SLFN12L: variants seen among roughly 807,000 people sequenced by gnomAD.
The protein encoded by SLFN12L is schlafen family member 12-like.
Under a neutral mutation model 34.8 loss-of-function variants are expected in SLFN12L, and 34 were observed. The observed-to-expected ratio is 0.98, with a 90% CI of 0.74 to 1.30. SLFN12L has a LOEUF of 1.30. Ranked by LOEUF, SLFN12L falls within the 50% of genes most tolerant of loss-of-function variation. The pLI, the probability that SLFN12L is intolerant of heterozygous loss-of-function variation, is 0.00. For synonymous variants in SLFN12L, 259 were observed against 247.5 expected (o/e 1.05, Z -0.44); for missense variants, 703 against 696.2 (o/e 1.01, Z -0.11).
At chr17:35,513,672 T>C (rs955436223) in intron 2 of SLFN12L, among the ~76,000 whole-genome samples, 18 of 152,218 alleles carry the variant, frequency 1.2e-4, no homozygotes, top group African/African-American at 4.3e-4. Context: ...TTTCAGGTCT[T>C]CAGTCACAAG....
chr17:35,520,217 A>G (rs191245116), intron 2 of SLFN12L, among the ~76,000 whole-genome samples: 78 of 152,286 alleles, frequency 5.1e-4, no homozygotes, highest in African/African-American at 1.8e-3. Flanking sequence ...CCAGACATGA[A>G]CCAACTGACC....
rs1201779708 is a variant in SLFN12L, at chr17:35,479,565, G to A, written c.717C>T (p.Thr239=). 16 of 1,613,618 alleles carry A rather than the reference G, an allele frequency of 9.9e-6. No homozygotes were observed. The highest frequency in any genetic ancestry group is 1.3e-5 in the African/African-American group (1 of 74,874). ...TTTCAACGTGTGTGGATTCAGTAAA[G>A]GTCAATTTTTCTTTATAACCAAGTT... ...RTELGYKEKL[T]FTESTHVEIK... Residue 239 remains threonine, a synonymous_variant, in exon 3 of 5, where the codon ACC becomes ACT. Coordinates refer to ENST00000628453, the MANE Select transcript of SLFN12L (RefSeq NM_001363830.2).
Position 35,474,831 on chromosome 17 carries a change from C to T in SLFN12L, c.*92G>A, listed in dbSNP as rs181820932. ...CATGTAATCCCAGCTACTCGGGAGG[C>T]TGAGGCAGGGAATTGCTTGAACCCA... On this transcript the variant is annotated 3_prime_UTR_variant, in exon 5 of 5. Coordinates refer to ENST00000628453, the MANE Select transcript of SLFN12L (RefSeq NM_001363830.2). 20 of 1,297,992 alleles carry T rather than the reference C, an allele frequency of 1.5e-5. No individual in the cohort carries two copies. In the Admixed American group the frequency reaches 4.0e-4, roughly 26 times the overall value. 80.4% of individuals were successfully genotyped at this position (1,297,992 alleles called of 1,614,324 possible).
intron 2 of SLFN12L, among the ~76,000 whole-genome samples, chr17:35,492,874 G>A (rs1274530770): frequency 6.6e-6 from 1 of 151,908 alleles, no homozygotes; most frequent in African/African-American, 2.4e-5. Context: ...CAATTAAATT[G>A]AAATGTTATG....
chr17:35,487,461 C>T (rs376725779), intron 2 of SLFN12L, among the ~76,000 whole-genome samples: 32 of 151,370 alleles, frequency 2.1e-4, no homozygotes, highest in African/African-American at 7.8e-4. Context: ...CGTCCCGGAG[C>T]CCACGGACCA....
Position 35,491,098 on chromosome 17 carries a change from C to T in SLFN12L, c.87-10903G>A, listed in dbSNP as rs1914818720. The T allele has an allele frequency of 3.9e-5, 30 of 777,220 alleles. 1 individual carries two copies. The South Asian group carries it at 4.1e-4, about 11-fold the overall frequency. The allele number at this position is 777,220 out of a possible 1,614,324, so 48.1% of individuals were successfully genotyped here. A position where few individuals can be genotyped will look rare whatever the true frequency, so the allele number is the denominator to read the frequency against. ...GACCATTTGTGAACTTACTGCCTCC[C>T]CTGCTGCAAGATGACCATTTGTGAA... is the stretch of plus-strand genomic sequence containing the variant. On this transcript the variant is annotated intron_variant, in intron 2 of 4. Transcript: ENST00000628453.
intron 2 of SLFN12L, chr17:35,498,615 A>G (rs774486434): frequency 8.1e-6 from 13 of 1,611,358 alleles, no homozygotes; most frequent in Non-Finnish European, 1.1e-5. Flanking sequence ...AGCTAGCCAG[A>G]AGGGCGTCAT....
chr17:35,496,204 C>T (rs1225387237), intron 2 of SLFN12L, among the ~76,000 whole-genome samples: 2 of 152,042 alleles, frequency 1.3e-5, no homozygotes, highest in Non-Finnish European at 2.9e-5. Context: ...ATTCCTCAGT[C>T]CAGGCACGGT....
At chr17:35,530,440 G>GAAA (rs1567694133) in intron 1 of SLFN12L, among the ~76,000 whole-genome samples, 208 of 9,308 alleles carry the variant, frequency 0.022, 36 homozygotes, top group African/African-American at 0.039. Flanking sequence ...GGAAGGGAAG[G>GAAA]GAAGAAAGAA....
rs1337122340 is a variant in SLFN12L at position 35,530,430 on chromosome 17, GGAAGGGAAGGGAAGAAA to G, written c.-606+7126_-606+7142del. Among the ~76,000 whole-genome samples the G allele has an allele frequency of 1.4e-3, 13 of 9,134 alleles. 4 individuals carry two copies. Among genetic ancestry groups the G allele is most frequent in the South Asian group, 4.1e-3 (1 of 246 alleles). The allele number at this position is 9,134 out of a possible 152,430, so 6.0% of individuals were successfully genotyped here. The stretch of plus-strand genomic sequence containing the variant: ...GGAAGGAAGGAAGGAAGGAAGGAAG[GGAAGGGAAGGGAAGAAA>G]GAAAGAAAGAAAGAAAGAAAGAAAG... On this transcript the variant is annotated intron_variant, in intron 1 of 4. Coordinates refer to ENST00000628453, the MANE Select transcript of SLFN12L (RefSeq NM_001363830.2).
chr17:35,490,244 G>C (rs1914780904), intron 2 of SLFN12L: 1 of 1,549,360 alleles, frequency 6.5e-7, no homozygotes, highest in Non-Finnish European at 8.9e-7. Flanking sequence ...AGGAGAAAGC[G>C]GTCATCAGTA....
intron 2 of SLFN12L, among the ~76,000 whole-genome samples, chr17:35,521,501 C>G (rs1441593103): frequency 6.6e-6 from 1 of 152,126 alleles, no homozygotes; most frequent in African/African-American, 2.4e-5. Context: ...GGTGGATTTT[C>G]AGATCTTTAA....
Position 35,474,922 on chromosome 17 carries a change from C to T in SLFN12L, c.*1G>A. On this transcript the variant is annotated 3_prime_UTR_variant, in exon 5 of 5. Transcript: ENST00000628453. Reference sequence around the variant, plus strand: ...CTCCAGTCTGGGTGACAGAGTGAGACTCATCTCAAGAAAAAACAAACAAAC... The same window carrying T: ...CTCCAGTCTGGGTGACAGAGTGAGATTCATCTCAAGAAAAAACAAACAAAC... The T allele has an allele frequency of 6.5e-7, 1 of 1,539,464 alleles. No individual in the cohort carries two copies. Among genetic ancestry groups the T allele is most frequent in the South Asian group, 1.2e-5 (1 of 81,656 alleles).
Position 35,480,064 on chromosome 17 carries a change from A to ATTTTTTTTCTAT in SLFN12L, c.206_217dup (p.Asn69_Lys72dup). The ATTTTTTTTCTAT allele has an allele frequency of 6.2e-7, 1 of 1,613,766 alleles. No individual in the cohort carries two copies. Among genetic ancestry groups the ATTTTTTTTCTAT allele is most frequent in the Non-Finnish European group, 8.5e-7 (1 of 1,179,932 alleles). On this transcript the variant is annotated inframe_insertion, in exon 3 of 5. Coordinates refer to ENST00000628453, the MANE Select transcript of SLFN12L (RefSeq NM_001363830.2). Reference sequence around the variant, plus strand: ...CTGTTTTCTCAGTTGACAATCCTTCATTTTTTTTCTATTGTTCTCTCCAAG... The same window carrying ATTTTTTTTCTAT: ...CTGTTTTCTCAGTTGACAATCCTTCATTTTTTTTCTATTTTTTTTTCTATTGTTCTCTCCAAG...
At position 35,465,855 on chromosome 17, in the gene SLFN12L, C is replaced by A. The variant is rs1168594590; in HGVS notation, c.*9068G>T. ...GCTAATATGTTCAATATGTTCAATTCCGTGCCTATTTCAACAGACTCCACT... is the reference window on the plus strand; with the variant it reads ...GCTAATATGTTCAATATGTTCAATTACGTGCCTATTTCAACAGACTCCACT... On this transcript the variant is annotated 3_prime_UTR_variant, in exon 5 of 5. Coordinates refer to ENST00000628453, the MANE Select transcript of SLFN12L (RefSeq NM_001363830.2). Among the ~76,000 whole-genome samples the A allele has an allele frequency of 2.6e-5, 4 of 151,380 alleles. No individual in the cohort carries two copies. Among genetic ancestry groups the A allele is most frequent in the Non-Finnish European group, 5.9e-5 (4 of 67,926 alleles).
At chr17:35,487,879 G>T (rs758495206) in intron 2 of SLFN12L, 2 of 897,500 alleles carry the variant, frequency 2.2e-6, no homozygotes, top group African/African-American at 1.6e-5. Flanking sequence ...CACCGCACGC[G>T]CTGTTATCGA....
At chr17:35,487,862 G>A in intron 2 of SLFN12L, 1 of 1,048,378 alleles carries the variant, frequency 9.5e-7, no homozygotes, top group Non-Finnish European at 1.4e-6. Flanking sequence ...CTCCCCGGAA[G>A]TGGTGGCACC....
At chr17:35,494,468 C>G (rs1275657710) in intron 2 of SLFN12L, among the ~76,000 whole-genome samples, 1 of 152,206 alleles carries the variant, frequency 6.6e-6, no homozygotes, top group East Asian at 1.9e-4. Flanking sequence ...ATATTAAAAA[C>G]TGTCCCATGA....
intron 2 of SLFN12L, among the ~76,000 whole-genome samples, chr17:35,483,752 C>G (rs1914456556): frequency 6.6e-6 from 1 of 152,082 alleles, no homozygotes; most frequent in African/African-American, 2.4e-5. Flanking sequence ...GGCCTAGAGA[C>G]AGTTGAGAGT....
Sources: gnomAD v4.1 joint callset for allele counts (sites outside exome capture counted in the v4.1 genomes callset) on GRCh38, gnomAD v4.1.1 for gene constraint, MANE v1.5 for transcripts, NCBI Gene and HGNC (gene_info 2026-07-23, HGNC 2026-07-21) for gene names.